The following XKR4 variants were observed in gnomAD, a reference collection of about 807,000 sequenced individuals.
XKR4 encodes the protein XK related 4, also known as XK-related protein 4.
XKR4 carries 12 observed loss-of-function variants against 53.9 expected under a neutral mutation model. That is an observed-to-expected ratio of 0.22 (90% CI 0.14 to 0.36). The LOEUF is 0.36. Ranked by LOEUF, XKR4 falls within the 10% of genes least tolerant of loss-of-function variation. The probability of loss-of-function intolerance (pLI) is 1.00; values close to 1 mark genes in which losing one functional copy is unlikely to be tolerated. For synonymous variants in XKR4, 354 were observed against 362.4 expected (o/e 0.98, Z 0.26); for missense variants, 799 against 859.5 (o/e 0.93, Z 0.88).
chr8:55,302,271 G>T (rs1186236136), intron 1 of XKR4, among the ~76,000 whole-genome samples: 1 of 152,146 alleles, frequency 6.6e-6, no homozygotes, highest in Non-Finnish European at 1.5e-5. Flanking sequence ...CCCATTTCTT[G>T]TTTTTGTCAG....
chr8:55,112,288 G>T (rs1816242798), intron 1 of XKR4, among the ~76,000 whole-genome samples: 1 of 152,110 alleles, frequency 6.6e-6, no homozygotes, highest in Non-Finnish European at 1.5e-5. Context: ...ACAGAGCAGT[G>T]GGCATTGTGT....
intron 2 of XKR4, among the ~76,000 whole-genome samples, chr8:55,413,961 A>T (rs546251440): frequency 2.8e-4 from 42 of 152,342 alleles, no homozygotes; most frequent in African/African-American, 8.9e-4. Context: ...CTTTCAAATG[A>T]TATGTACCCA....
At chr8:55,250,546 C>T (rs1205244208) in intron 1 of XKR4, among the ~76,000 whole-genome samples, 1 of 152,172 alleles carries the variant, frequency 6.6e-6, no homozygotes, top group African/African-American at 2.4e-5. Context: ...TTGGAATCAC[C>T]TTGTGTGGTC....
intron 1 of XKR4, chr8:55,161,713 C>T: frequency 2.3e-6 from 1 of 436,622 alleles, no homozygotes; most frequent in South Asian, 1.6e-5. Context: ...GCAATTCCTC[C>T]AGGCAGGTGC....
At chr8:55,389,995 C>A (rs1804420642) in intron 2 of XKR4, among the ~76,000 whole-genome samples, 1 of 152,136 alleles carries the variant, frequency 6.6e-6, no homozygotes, top group Non-Finnish European at 1.5e-5. Context: ...TGTTCAGAGG[C>A]CTCTGAAATG....
intron 2 of XKR4, among the ~76,000 whole-genome samples, chr8:55,436,449 G>A (rs759918770): frequency 6.6e-6 from 1 of 152,200 alleles, no homozygotes. Flanking sequence ...AACCAAATTA[G>A]AATGGTGTTG....
At chr8:55,406,523 G>T (rs1164248222) in intron 2 of XKR4, among the ~76,000 whole-genome samples, 1 of 152,164 alleles carries the variant, frequency 6.6e-6, no homozygotes, top group African/African-American at 2.4e-5. Context: ...AAAGGCCCGG[G>T]TCTGCCTGGC....
intron 2 of XKR4, among the ~76,000 whole-genome samples, chr8:55,518,359 ACT>A (rs1806746087): frequency 1.3e-5 from 2 of 152,138 alleles, no homozygotes; most frequent in Admixed American, 6.5e-5. Flanking sequence ...CATTTGGAAT[ACT>A]CTTTCTTTTT....
At chr8:55,364,124 G>A (rs542269564) in intron 2 of XKR4, among the ~76,000 whole-genome samples, 2 of 152,270 alleles carry the variant, frequency 1.3e-5, no homozygotes, top group African/African-American at 4.8e-5. Flanking sequence ...CTCCGGGAAG[G>A]GGCCAGGCAG....
chr8:55,374,973 T>C (rs1585544829), intron 2 of XKR4, among the ~76,000 whole-genome samples: 1 of 152,206 alleles, frequency 6.6e-6, no homozygotes, highest in Admixed American at 6.5e-5. Flanking sequence ...GGAGCACTTT[T>C]CCTGCCTCTT....
chr8:55,287,728 T>C, intron 1 of XKR4, among the ~76,000 whole-genome samples: 1 of 152,210 alleles, frequency 6.6e-6, no homozygotes, highest in South Asian at 2.1e-4. Context: ...CCATCCCCGT[T>C]CTCCCTAAGG....
chr8:55,431,987 T>G (rs1364361657), intron 2 of XKR4, among the ~76,000 whole-genome samples: 1 of 152,190 alleles, frequency 6.6e-6, no homozygotes, highest in African/African-American at 2.4e-5. Flanking sequence ...GATTCTTTCT[T>G]CATGGACTGG....
At chr8:55,451,869 G>T in intron 2 of XKR4, 1 of 859,736 alleles carries the variant, frequency 1.2e-6, no homozygotes, top group Non-Finnish European at 1.9e-6. Context: ...CTGAGGACGG[G>T]GTCAGTGTGC....
At chr8:55,302,686 T>C (rs1585998185) in intron 1 of XKR4, among the ~76,000 whole-genome samples, 2 of 152,178 alleles carry the variant, frequency 1.3e-5, no homozygotes, top group Non-Finnish European at 2.9e-5. Flanking sequence ...CAGTGGTTTG[T>C]AGTTGTCCTT....
chr8:55,175,919 T>C (rs1335841977), intron 1 of XKR4, among the ~76,000 whole-genome samples: 2 of 152,176 alleles, frequency 1.3e-5, no homozygotes, highest in Admixed American at 1.3e-4. Flanking sequence ...GACTAGTTAT[T>C]GTTGTTAGAA....
chr8:55,111,210 G>A (rs1816226287), intron 1 of XKR4, among the ~76,000 whole-genome samples: 1 of 152,094 alleles, frequency 6.6e-6, no homozygotes, highest in Admixed American at 6.6e-5. Flanking sequence ...GACACATACG[G>A]CCCAGCTCCT....
chr8:55,519,057 C>A (rs1412849281), intron 2 of XKR4, among the ~76,000 whole-genome samples: 2 of 152,094 alleles, frequency 1.3e-5, no homozygotes, highest in Non-Finnish European at 1.5e-5. Context: ...TAGGAGAGTT[C>A]GCTTTGGAGA....
rs560730623 is a variant in XKR4, at chr8:55,525,131, G to A, written c.*904G>A. On this transcript the variant is annotated 3_prime_UTR_variant, in exon 3 of 3. Coordinates refer to ENST00000327381, the MANE Select transcript of XKR4 (RefSeq NM_052898.2). ...GCGCCCATTGGGACATAACGGCAGT[G>A]CGGCGCGAGCCAGAGGAATGGGCTG... 6.5e-6 allele frequency: 1 copy of A among 152,760 alleles called. No homozygotes were observed. The highest frequency in any genetic ancestry group is 1.9e-4 in the East Asian group (1 of 5,192). The allele number at this position is 152,760 out of a possible 1,614,324, so 9.5% of individuals were successfully genotyped here. A position where few individuals can be genotyped will look rare whatever the true frequency, so the allele number is the denominator to read the frequency against.
At chr8:55,419,385 G>T (rs1479146420) in intron 2 of XKR4, among the ~76,000 whole-genome samples, 2 of 152,062 alleles carry the variant, frequency 1.3e-5, no homozygotes, top group East Asian at 3.9e-4. Flanking sequence ...AACTCCATCT[G>T]GGAGGTCTTC....
Sources: gnomAD v4.1 joint callset for allele counts (sites outside exome capture counted in the v4.1 genomes callset) on GRCh38, gnomAD v4.1.1 for gene constraint, MANE v1.5 for transcripts, NCBI Gene and HGNC (gene_info 2026-07-23, HGNC 2026-07-21) for gene names.